Variants in ITGA1 observed in about 807,000 individuals in gnomAD.
The protein encoded by ITGA1 is integrin subunit alpha 1, also known as integrin alpha-1.
Under a neutral mutation model 145.9 loss-of-function variants are expected in ITGA1, and 85 were observed. The ratio of observed to expected loss-of-function variants is 0.58; its 90% CI spans 0.49 to 0.70. ITGA1 has a LOEUF of 0.70. ITGA1 is among the 30% of genes least tolerant of loss of function. The pLI is 0.00. For missense variants in ITGA1, 1,351 were observed against 1,418.7 expected, an observed-to-expected ratio of 0.95 and a Z score of 0.77; for synonymous variants, 520 against 495.3, an observed-to-expected ratio of 1.05 and a Z score of -0.66.
intron 14 of ITGA1, among the ~76,000 whole-genome samples, chr5:52,911,574 C>CA (rs1750535154): frequency 5.9e-5 from 2 of 33,896 alleles, no homozygotes; most frequent in Non-Finnish European, 1.4e-4. Context: ...ACTATATATA[C>CA]TATATATATA....
intron 1 of ITGA1, among the ~76,000 whole-genome samples, chr5:52,828,954 G>C (rs1248425284): frequency 6.6e-6 from 1 of 151,950 alleles, no homozygotes; most frequent in African/African-American, 2.4e-5. Context: ...TTCTGTTTTT[G>C]TATATAGGTA....
chr5:52,836,973 A>G (rs1419209067), intron 1 of ITGA1, among the ~76,000 whole-genome samples: 1 of 152,204 alleles, frequency 6.6e-6, no homozygotes, highest in African/African-American at 2.4e-5. Context: ...GAGGAATAAT[A>G]TATCAAATAG....
chr5:52,911,469 T>C (rs1181330608), intron 14 of ITGA1, among the ~76,000 whole-genome samples: 1 of 131,236 alleles, frequency 7.6e-6, no homozygotes, highest in East Asian at 2.3e-4. Flanking sequence ...GTGTATCTAG[T>C]ATATAGATAC....
chr5:52,888,896 G>A (rs1442135990), intron 8 of ITGA1, among the ~76,000 whole-genome samples: 1 of 152,132 alleles, frequency 6.6e-6, no homozygotes, highest in Non-Finnish European at 1.5e-5. Context: ...TGAGACGTGT[G>A]GTATTTCCTC....
chr5:52,813,833 CAAAAG>C (rs1240770239), intron 1 of ITGA1, among the ~76,000 whole-genome samples: 1 of 152,134 alleles, frequency 6.6e-6, no homozygotes, highest in Non-Finnish European at 1.5e-5. Flanking sequence ...GTAGCCAAAA[CAAAAG>C]AAAATATTCA....
At chr5:52,931,747 A>T (rs1197167253) in intron 21 of ITGA1, 1 of 199,584 alleles carries the variant, frequency 5.0e-6, no homozygotes, top group Non-Finnish European at 1.0e-5. Flanking sequence ...GAAGCCCAGT[A>T]ACCTTTGTAT....
rs542105446 is a variant in ITGA1 at position 52,831,716 on chromosome 5, A to AT, written c.62-17641dup. ...AATTCTTTGAGGGCAGAGACAATAT[A>AT]TTTTTTTTACCTTTTAATCCCTTAA... On this transcript the variant is annotated intron_variant, in intron 1 of 28. Coordinates refer to ENST00000282588, the MANE Select transcript of ITGA1 (RefSeq NM_181501.2). Among the ~76,000 whole-genome samples, 29 of 151,492 alleles carry AT rather than the reference A, an allele frequency of 1.9e-4. No homozygotes were observed. In the South Asian group the frequency reaches 4.4e-3, roughly 23 times the overall value.
chr5:52,863,820 A>C (rs1749643119), intron 3 of ITGA1, among the ~76,000 whole-genome samples: 1 of 151,976 alleles, frequency 6.6e-6, no homozygotes, highest in Non-Finnish European at 1.5e-5. Flanking sequence ...TGTATATAAA[A>C]CTCTAATCCA....
chr5:52,871,419 T>C (rs1315669331), intron 6 of ITGA1, among the ~76,000 whole-genome samples: 1 of 152,206 alleles, frequency 6.6e-6, no homozygotes, highest in Non-Finnish European at 1.5e-5. Flanking sequence ...AAATAAAGGT[T>C]ATATTCTAAT....
chr5:52,836,046 A>G (rs866776109), intron 1 of ITGA1, among the ~76,000 whole-genome samples: 4 of 152,302 alleles, frequency 2.6e-5, no homozygotes, highest in Admixed American at 6.5e-5. Flanking sequence ...ATGCTGACCA[A>G]TCCTAAATTG....
At chr5:52,890,482 G>C (rs575916680) in intron 8 of ITGA1, among the ~76,000 whole-genome samples, 2 of 152,274 alleles carry the variant, frequency 1.3e-5, no homozygotes, top group African/African-American at 2.4e-5. Flanking sequence ...TGAACAATTT[G>C]GTGAGTTTTG....
At chr5:52,927,530 TA>T in intron 19 of ITGA1, 53 bp from the exon 20 acceptor site, 2 of 1,235,000 alleles carry the variant, frequency 1.6e-6, no homozygotes, top group Non-Finnish European at 2.4e-6. Flanking sequence ...AAAGAACACG[TA>T]TCAATATTTC....
intron 1 of ITGA1, among the ~76,000 whole-genome samples, chr5:52,818,528 A>C (rs1198886427): frequency 6.6e-6 from 1 of 152,204 alleles, no homozygotes; most frequent in Non-Finnish European, 1.5e-5. Flanking sequence ...TGAATTAGTT[A>C]GGCTTAGCCC....
intron 1 of ITGA1, among the ~76,000 whole-genome samples, chr5:52,835,090 G>A (rs1749143236): frequency 6.6e-6 from 1 of 152,130 alleles, no homozygotes; most frequent in South Asian, 2.1e-4. Flanking sequence ...TTTTGGGCCA[G>A]TATTTAGTCG....
chr5:52,908,781 T>C (rs1195926003), intron 12 of ITGA1, 117 bp from the exon 13 acceptor site: 1 of 1,106,230 alleles, frequency 9.0e-7, no homozygotes, highest in Non-Finnish European at 1.3e-6. Flanking sequence ...TTATCTTTCA[T>C]TTCCTTTGCC....
intron 21 of ITGA1, 93 bp from the exon 22 acceptor site, chr5:52,931,954 T>C: frequency 1.4e-6 from 1 of 725,078 alleles, no homozygotes; most frequent in African/African-American, 1.8e-5. Flanking sequence ...TTTTATTTAG[T>C]TGCCAGGATA....
chr5:52,949,981 A>G (rs1010437661), intron 28 of ITGA1, among the ~76,000 whole-genome samples: 2 of 152,222 alleles, frequency 1.3e-5, no homozygotes, highest in African/African-American at 4.8e-5. Context: ...TGTAAGAGAC[A>G]GGCCAAAAGT....
chr5:52,818,661 A>T (rs753278635), intron 1 of ITGA1, among the ~76,000 whole-genome samples: 33 of 152,208 alleles, frequency 2.2e-4, no homozygotes, highest in Non-Finnish European at 4.4e-4. Flanking sequence ...CCATTAGAGA[A>T]TTTAAATCAG....
At chr5:52,867,848 G>T (rs1416181308) in intron 6 of ITGA1, among the ~76,000 whole-genome samples, 1 of 151,526 alleles carries the variant, frequency 6.6e-6, no homozygotes, top group Non-Finnish European at 1.5e-5. Context: ...GTTTGCTGTT[G>T]TTTTTTTTCT....
Sources: gnomAD v4.1 joint callset for allele counts (sites outside exome capture counted in the v4.1 genomes callset) on GRCh38, gnomAD v4.1.1 for gene constraint, MANE v1.5 for transcripts, NCBI Gene and HGNC (gene_info 2026-07-23, HGNC 2026-07-21) for gene names.